Variants in PCDHGA12 observed in about 807,000 individuals in gnomAD.
The protein encoded by PCDHGA12 is protocadherin gamma-A12.
A neutral mutation model predicts 61.1 loss-of-function variants in PCDHGA12; 43 were observed. The observed-to-expected ratio is 0.70, with a 90% CI of 0.55 to 0.91. The LOEUF is 0.91. Among genes scored for constraint, PCDHGA12 ranks in the 40% least tolerant of loss-of-function variants. The pLI is 0.00. For missense variants in PCDHGA12, 1,236 were observed against 1,227.7 expected (o/e 1.01, Z -0.10); for synonymous variants, 520 against 542.9 (o/e 0.96, Z 0.59).
intron 1 of PCDHGA12, among the ~76,000 whole-genome samples, chr5:141,445,597 G>T (rs2098471988): frequency 6.6e-6 from 1 of 152,200 alleles, no homozygotes; most frequent in African/African-American, 2.4e-5. Context: ...TAATCTGAAG[G>T]TCAAGGAAGG....
At chr5:141,461,225 T>C (rs1157429654) in intron 1 of PCDHGA12, among the ~76,000 whole-genome samples, 3 of 152,162 alleles carry the variant, frequency 2.0e-5, no homozygotes, top group African/African-American at 7.2e-5. Flanking sequence ...CTGTTTTCCA[T>C]AGAGGTTGTA....
At chr5:141,483,757 C>T (rs895694800) in intron 1 of PCDHGA12, among the ~76,000 whole-genome samples, 1 of 151,984 alleles carries the variant, frequency 6.6e-6, no homozygotes, top group Non-Finnish European at 1.5e-5. Flanking sequence ...AGGATCGAGG[C>T]TTGGAAAAAT....
chr5:141,511,373 G>T lies in PCDHGA12; in HGVS notation c.*200G>T. On this transcript the variant is annotated 3_prime_UTR_variant, in exon 4 of 4. Transcript: ENST00000252085. ...CCCCCAGGGGGTTGAATATGCAAAA[G>T]CAGTTCCGCTGGGAACCCCCATCCA... 8.0e-7 allele frequency: 1 copy of T among 1,251,332 alleles called. No homozygotes were observed. The highest frequency in any genetic ancestry group is 1.6e-5 in the South Asian group (1 of 63,796). The allele number at this position is 1,251,332 out of a possible 1,614,324, so 77.5% of individuals were successfully genotyped here.
intron 1 of PCDHGA12, among the ~76,000 whole-genome samples, chr5:141,467,702 C>T (rs2099149453): frequency 6.6e-6 from 1 of 152,086 alleles, no homozygotes; most frequent in South Asian, 2.1e-4. Context: ...GGCTCTGTTG[C>T]CCAGGCTGGA....
At chr5:141,458,318 A>T (rs1420197662) in intron 1 of PCDHGA12, among the ~76,000 whole-genome samples, 1 of 152,128 alleles carries the variant, frequency 6.6e-6, no homozygotes, top group Non-Finnish European at 1.5e-5. Context: ...ACACAGACAC[A>T]TGTGGAGTGG....
intron 1 of PCDHGA12, among the ~76,000 whole-genome samples, chr5:141,454,252 A>T (rs1288181537): frequency 6.6e-6 from 1 of 152,214 alleles, no homozygotes; most frequent in Non-Finnish European, 1.5e-5. Context: ...AAGATGTCCC[A>T]GAGAAAGTAA....
intron 1 of PCDHGA12, among the ~76,000 whole-genome samples, chr5:141,481,676 G>A (rs975849679): frequency 3.3e-5 from 5 of 152,028 alleles, no homozygotes; most frequent in Admixed American, 1.3e-4. Flanking sequence ...AAATCAGGCC[G>A]GGCCTGGTGG....
intron 1 of PCDHGA12, among the ~76,000 whole-genome samples, chr5:141,469,821 G>A (rs2099212107): frequency 6.6e-6 from 1 of 152,028 alleles, no homozygotes; most frequent in Admixed American, 6.6e-5. Flanking sequence ...TAGAATGGAG[G>A]TCACATAAAA....
intron 2 of PCDHGA12, 102 bp from the exon 3 acceptor site, chr5:141,505,291 G>A (rs2154593677): frequency 1.3e-6 from 2 of 1,565,092 alleles, no homozygotes; most frequent in Non-Finnish European, 1.7e-6. Context: ...TGGGCATGGG[G>A]TAGGGTTAGG....
chr5:141,463,382 T>C (rs2099057893), intron 1 of PCDHGA12, among the ~76,000 whole-genome samples: 1 of 151,594 alleles, frequency 6.6e-6, no homozygotes, highest in Admixed American at 6.6e-5. Context: ...AGTCTGAAAG[T>C]TGTCTCCAGG....
At chr5:141,503,479 G>A (rs1203644194) in intron 2 of PCDHGA12, among the ~76,000 whole-genome samples, 5 of 151,616 alleles carry the variant, frequency 3.3e-5, no homozygotes, top group African/African-American at 9.7e-5. Context: ...TGCACTTGTC[G>A]TCCCAGCTGC....
At chr5:141,472,359 G>T (rs2099278248) in intron 1 of PCDHGA12, among the ~76,000 whole-genome samples, 1 of 151,944 alleles carries the variant, frequency 6.6e-6, no homozygotes, top group Admixed American at 6.6e-5. Flanking sequence ...GGCTAACACG[G>T]TGAAACCCCG....
intron 1 of PCDHGA12, chr5:141,479,437 C>G (rs2099496053): frequency 6.6e-6 from 1 of 152,224 alleles, no homozygotes; most frequent in Admixed American, 6.5e-5. Flanking sequence ...AATCCACTGT[C>G]TGCACTAAGT....
intron 1 of PCDHGA12, among the ~76,000 whole-genome samples, chr5:141,475,231 G>A (rs1188161872): frequency 6.6e-6 from 1 of 152,190 alleles, no homozygotes; most frequent in Admixed American, 6.5e-5. Flanking sequence ...AAAGGGAAAC[G>A]ATAGAGAGAG....
At chr5:141,504,452 T>C (rs1208972630) in intron 2 of PCDHGA12, among the ~76,000 whole-genome samples, 1 of 152,060 alleles carries the variant, frequency 6.6e-6, no homozygotes, top group Non-Finnish European at 1.5e-5. Flanking sequence ...TAGTGCCATG[T>C]GGGGCAGCCG....
chr5:141,441,362 G>A (rs1489202253), intron 1 of PCDHGA12: 1 of 152,484 alleles, frequency 6.6e-6, no homozygotes, highest in Non-Finnish European at 1.5e-5. Context: ...AACAAATGGG[G>A]CCGTGGACCA....
At position 141,458,567 on chromosome 5, in the gene PCDHGA12, T is replaced by TTTTG. The variant is rs144471304; in HGVS notation, c.2424+25400_2424+25403dup. Among the ~76,000 whole-genome samples the TTTTG allele has an allele frequency of 8.6e-5, 13 of 151,610 alleles. No individual in the cohort carries two copies. The East Asian group carries it at 1.5e-3, about 18-fold the overall frequency. On this transcript the variant is annotated intron_variant, in intron 1 of 3. Coordinates refer to ENST00000252085, the MANE Select transcript of PCDHGA12 (RefSeq NM_003735.3). ...TTGTTTGTTTGTTTTGGTTTTGGGT[T>TTTTG]TTTGTTTGTTTGTTTGTTTTGGAGA...
Position 141,431,938 on chromosome 5 carries a change from A to G in PCDHGA12, c.1179A>G (p.Lys393=), listed in dbSNP as rs150199588. 49 of 1,614,050 alleles carry G rather than the reference A, an allele frequency of 3.0e-5. No individual in the cohort carries two copies. Among genetic ancestry groups the G allele is most frequent in the Non-Finnish European group, 3.9e-5 (46 of 1,180,026 alleles). ...ICFIQGNLPF[K]LEKSYGNYYS... Reference sequence around the variant, plus strand: ...TCATCCAAGGAAATCTGCCCTTTAAATTAGAAAAATCTTACGGAAATTACT... The same window carrying G: ...TCATCCAAGGAAATCTGCCCTTTAAGTTAGAAAAATCTTACGGAAATTACT... The change falls in exon 1 of 4, where the codon AAA becomes AAG. Residue 393 remains lysine, a synonymous_variant. Coordinates refer to ENST00000252085, the MANE Select transcript of PCDHGA12 (RefSeq NM_003735.3). This position sits in a 1 kb window ranked among gnomAD's most constrained non-coding sequence, Gnocchi z 4.8.
At chr5:141,495,073 C>T (rs1464039604) in intron 2 of PCDHGA12, among the ~76,000 whole-genome samples, 1 of 152,186 alleles carries the variant, frequency 6.6e-6, no homozygotes, top group Non-Finnish European at 1.5e-5. Flanking sequence ...GCTCAATTCA[C>T]ATGCTTGCCC....
Sources: gnomAD v4.1 joint callset for allele counts (sites outside exome capture counted in the v4.1 genomes callset) on GRCh38, gnomAD v4.1.1 for gene constraint, Gnocchi (gnomAD v3.1) non-coding constraint, MANE v1.5 for transcripts, NCBI Gene and HGNC (gene_info 2026-07-23, HGNC 2026-07-21) for gene names.